The following LRFN2 variants were observed in gnomAD, a reference collection of about 807,000 sequenced individuals.
LRFN2 encodes the protein leucine-rich repeat and fibronectin type-III domain-containing protein 2.
LRFN2 carries 18 observed loss-of-function variants against 37.3 expected under a neutral mutation model. That is an observed-to-expected ratio of 0.48 (90% CI 0.33 to 0.72). The LOEUF is 0.72. LRFN2 is among the 30% of genes least tolerant of loss of function. The pLI is 0.02. For missense variants in LRFN2, 1,006 were observed against 1,060.7 expected, an observed-to-expected ratio of 0.95 and a Z score of 0.72; for synonymous variants, 556 against 466.6, an observed-to-expected ratio of 1.19 and a Z score of -2.47.
At chr6:40,436,504 T>C (rs988511777) in intron 1 of LRFN2, among the ~76,000 whole-genome samples, 1 of 149,366 alleles carries the variant, frequency 6.7e-6, no homozygotes, top group Non-Finnish European at 1.5e-5. Flanking sequence ...TTTTTTTTTT[T>C]CATCTTCATC....
chr6:40,434,611 G>A (rs1052228539), intron 1 of LRFN2, among the ~76,000 whole-genome samples: 1 of 151,778 alleles, frequency 6.6e-6, no homozygotes, highest in Non-Finnish European at 1.5e-5. Context: ...CAAATAGCTG[G>A]GACTACAGGC....
chr6:40,441,481 G>C lies in LRFN2; in HGVS notation c.-18-8350C>G, dbSNP rs189833941. On this transcript the variant is annotated intron_variant, in intron 1 of 2. Transcript: ENST00000338305. ...TAAAGGAGGGCTGGATTTCACCAGT[G>C]GGGGCCTGGATGTGAGTGAGTCTGC... 5.9e-5 allele frequency among the ~76,000 whole-genome samples: 9 copies of C among 152,270 alleles called. 1 individual carries two copies. In the East Asian group the frequency reaches 1.7e-3, roughly 29 times the overall value.
intron 1 of LRFN2, among the ~76,000 whole-genome samples, chr6:40,488,044 A>G (rs1561875461): frequency 6.6e-6 from 1 of 152,168 alleles, no homozygotes; most frequent in Non-Finnish European, 1.5e-5. Flanking sequence ...CCACGGGTCG[A>G]AAAGGAGAGG....
chr6:40,392,972 G>A lies in LRFN2; in HGVS notation c.1401-60C>T. On this transcript the variant is annotated intron_variant, in intron 2 of 2. Coordinates refer to ENST00000338305, the MANE Select transcript of LRFN2 (RefSeq NM_020737.3). The surrounding 1 kb of genome is among the most constrained non-coding windows in gnomAD (Gnocchi z 4.7). ...GGTGGGGTGGAAGGACAGGGTGATG[G>A]GGAGTGGACAGAGGTAGAAACAGAG... The A allele has an allele frequency of 6.5e-7, 1 of 1,533,066 alleles. No individual in the cohort carries two copies. Among genetic ancestry groups the A allele is most frequent in the East Asian group, 2.3e-5 (1 of 44,272 alleles). 95.0% of individuals were successfully genotyped at this position (1,533,066 alleles called of 1,614,324 possible). A position where few individuals can be genotyped will look rare whatever the true frequency, so the allele number is the denominator to read the frequency against.
chr6:40,418,864 T>G (rs1398766266), intron 2 of LRFN2, among the ~76,000 whole-genome samples: 1 of 152,196 alleles, frequency 6.6e-6, no homozygotes, highest in East Asian at 1.9e-4. Context: ...AGCTACTTTG[T>G]GTGACATTCA....
chr6:40,444,972 G>T (rs1049639608), intron 1 of LRFN2, among the ~76,000 whole-genome samples: 1 of 151,640 alleles, frequency 6.6e-6, no homozygotes, highest in Non-Finnish European at 1.5e-5. Context: ...GAACATTGCA[G>T]TCAAGCCCTC....
At chr6:40,551,643 C>T (rs977320665) in intron 1 of LRFN2, among the ~76,000 whole-genome samples, 1 of 152,184 alleles carries the variant, frequency 6.6e-6, no homozygotes, top group African/African-American at 2.4e-5. Context: ...AATGAATACA[C>T]AAAGGTGAAC....
chr6:40,543,003 C>T (rs1171909957), intron 1 of LRFN2, among the ~76,000 whole-genome samples: 1 of 152,224 alleles, frequency 6.6e-6, no homozygotes, highest in African/African-American at 2.4e-5. Flanking sequence ...CACATCCCGT[C>T]ACTTAGATGT....
At chr6:40,435,044 TATATATATAGAGAGAGAGAGAG>T (rs1261069015) in intron 1 of LRFN2, among the ~76,000 whole-genome samples, 7 of 88,610 alleles carry the variant, frequency 7.9e-5, no homozygotes, top group African/African-American at 3.2e-4. Context: ...TATATATATA[TATATATATAGAGAGAGAGAGAG>T]AGAGAGAGAG....
chr6:40,436,122 A>G (rs1435036834), intron 1 of LRFN2, among the ~76,000 whole-genome samples: 1 of 152,204 alleles, frequency 6.6e-6, no homozygotes, highest in Non-Finnish European at 1.5e-5. Context: ...ATTTCAATAT[A>G]TCCTCAATAT....
intron 2 of LRFN2, among the ~76,000 whole-genome samples, chr6:40,394,256 A>C (rs1176457635): frequency 6.6e-6 from 1 of 152,064 alleles, no homozygotes; most frequent in Non-Finnish European, 1.5e-5. Flanking sequence ...TTGAGGTATC[A>C]TGCCTTCTGC....
At chr6:40,494,988 A>G (rs1240556712) in intron 1 of LRFN2, among the ~76,000 whole-genome samples, 1 of 152,182 alleles carries the variant, frequency 6.6e-6, no homozygotes, top group Non-Finnish European at 1.5e-5. Context: ...CCCTGGTTAA[A>G]CCCAATCATC....
At chr6:40,579,353 G>C (rs1040867295) in intron 1 of LRFN2, among the ~76,000 whole-genome samples, 36 of 152,286 alleles carry the variant, frequency 2.4e-4, no homozygotes, top group Admixed American at 1.9e-3. Context: ...TTTCAGGCCA[G>C]CTGTCTCTAA....
At chr6:40,566,879 T>TATAATA (rs550658274) in intron 1 of LRFN2, among the ~76,000 whole-genome samples, 2 of 151,618 alleles carry the variant, frequency 1.3e-5, no homozygotes, top group African/African-American at 4.8e-5. Context: ...AAACTTAAAG[T>TATAATA]ATAATAATAA....
intron 2 of LRFN2, among the ~76,000 whole-genome samples, chr6:40,412,746 T>C (rs1028822616): frequency 2.6e-5 from 4 of 152,328 alleles, no homozygotes; most frequent in East Asian, 3.9e-4. Flanking sequence ...CCCCCACTGA[T>C]ACAAGTCCCT....
In LRFN2 at chr6:40,392,517, G is replaced by C. The variant is rs779431643; in HGVS notation, c.1796C>G (p.Pro599Arg). 2.5e-6 allele frequency: 4 copies of C among 1,589,616 alleles called. No homozygotes were observed. The East Asian group carries it at 9.2e-5, about 37-fold the overall frequency. ...CTCGTTGCGCACCACCACCTTCGGC[G>C]GGCCCTGCGGCGGGGCCCCGGCTGG... ...SAPAGAPPQGPPKVVVRNELL... is the reference protein window; with the variant it reads ...SAPAGAPPQGRPKVVVRNELL... Residue 599 changes from proline to arginine, a missense_variant, in exon 3 of 3, where the codon CCG becomes CGG. Physicochemically the swap from Pro to Arg is moderately radical, Grantham distance 103 (BLOSUM62 -2). This residue lies in a region of LRFN2 where 398 missense variants were observed against 327.6 expected (regional missense o/e 1.21). Coordinates refer to ENST00000338305, the MANE Select transcript of LRFN2 (RefSeq NM_020737.3). The surrounding 1 kb of genome is among the most constrained non-coding windows in gnomAD (Gnocchi z 4.7).
intron 1 of LRFN2, among the ~76,000 whole-genome samples, chr6:40,463,687 T>TC: frequency 6.9e-6 from 1 of 145,050 alleles, no homozygotes; most frequent in Non-Finnish European, 1.5e-5. Context: ...TTTTTTTTTT[T>TC]TTTTTTTGAG....
At chr6:40,421,172 C>T (rs1763220852) in intron 2 of LRFN2, among the ~76,000 whole-genome samples, 1 of 152,212 alleles carries the variant, frequency 6.6e-6, no homozygotes, top group African/African-American at 2.4e-5. Context: ...TGCTTCAGTC[C>T]CTGACTCCAT....
chr6:40,465,920 G>C (rs1484333699), intron 1 of LRFN2, among the ~76,000 whole-genome samples: 1 of 152,182 alleles, frequency 6.6e-6, no homozygotes, highest in East Asian at 1.9e-4. Flanking sequence ...GAAAAGAAAA[G>C]GTTGTGGGGG....
Sources: allele counts gnomAD v4.1 joint callset (sites outside exome capture counted in the v4.1 genomes callset), GRCh38; gene constraint gnomAD v4.1.1; regional missense constraint gnomAD v4.1.1; non-coding constraint Gnocchi (gnomAD v3.1); transcripts MANE v1.5; gene names NCBI Gene and HGNC (gene_info 2026-07-23, HGNC 2026-07-21).